The following KRTAP10-5 variants were observed in gnomAD, a reference collection of about 807,000 sequenced individuals.
KRTAP10-5 encodes keratin associated protein 10-5.
For missense variants in KRTAP10-5, 370 were observed against 351.2 expected (o/e 1.05, Z -0.43); for synonymous variants, 157 against 151.9 (o/e 1.03, Z -0.25).
At position 44,580,104 on chromosome 21, in the gene KRTAP10-5, G is replaced by A; in HGVS notation, c.475C>T (p.Gln159Ter). Residue 159 changes from glutamine (Q) to a stop codon, truncating the protein, a stop_gained, in exon 1 of 1, where the codon CAG (glutamine) becomes TAG (stop). Coordinates refer to ENST00000400372, the MANE Select transcript of KRTAP10-5 (RefSeq NM_198694.3). LOFTEE classifies it low-confidence loss of function (END_TRUNC). ...SSSCCQHSSC[Q>*]PTCCTSSPCQ... is the part of the protein sequence containing the mutation. The stretch of plus-strand genomic sequence containing the variant: ...GGGGAGGAGGTGCAGCAAGTCGGCT[G>A]GCAGCTAGAATGCTGGCAGCATGAA... The A allele has an allele frequency of 6.2e-7, 1 of 1,613,788 alleles. No individual in the cohort carries two copies. The highest frequency in any genetic ancestry group is 8.5e-7 in the Non-Finnish European group (1 of 1,179,956).
Position 44,580,357 on chromosome 21 carries a change from G to A in KRTAP10-5, c.222C>T (p.Cys74=). 1 of 1,613,744 alleles carries A rather than the reference G, an allele frequency of 6.2e-7. No homozygotes were observed. The highest frequency in any genetic ancestry group is 8.5e-7 in the Non-Finnish European group (1 of 1,179,936). ...GCTSSCTPSC[C]QPACCASSPC... The stretch of plus-strand genomic sequence containing the variant: ...GGGAGGAGGCGCAGCAAGCCGGCTG[G>A]CAGCACGAGGGCGTGCAGGAGCTGG... Residue 74 remains cysteine, a synonymous_variant, in exon 1 of 1, where the codon TGC becomes TGT. Transcript: ENST00000400372.
In KRTAP10-5 at chr21:44,579,581, T is replaced by A; in HGVS notation, c.*182A>T. ...GGGACCCAACAGGCAGGTGGGCCCC[T>A]GCTGGGAGGCAGGAGCTGGGGAGCT... On this transcript the variant is annotated 3_prime_UTR_variant, in exon 1 of 1. Coordinates refer to ENST00000400372, the MANE Select transcript of KRTAP10-5 (RefSeq NM_198694.3). The A allele has an allele frequency of 1.3e-6, 1 of 772,528 alleles. No individual in the cohort carries two copies. Among genetic ancestry groups the A allele is most frequent in the Non-Finnish European group, 2.0e-6 (1 of 495,724 alleles). The allele number at this position is 772,528 out of a possible 1,614,324, so 47.9% of individuals were successfully genotyped here.
At position 44,580,552 on chromosome 21, in the gene KRTAP10-5, G is replaced by C; in HGVS notation, c.27C>G (p.Cys9Trp). 6.2e-7 allele frequency: 1 copy of C among 1,613,334 alleles called. No individual in the cohort carries two copies. Among genetic ancestry groups the C allele is most frequent in the Non-Finnish European group, 8.5e-7 (1 of 1,179,670 alleles). Reference sequence around the variant, plus strand: ...GCCAGGAGTCAGAGCAAGCGCTGGAGCAGACGGACATGGTGCACGCGGCCA... The same window carrying C: ...GCCAGGAGTCAGAGCAAGCGCTGGACCAGACGGACATGGTGCACGCGGCCA... MAACTMSV[C>W]SSACSDSWRV... Residue 9 changes from cysteine to tryptophan, a missense_variant, in exon 1 of 1, where the codon TGC becomes TGG. Cys to Trp is a radical substitution (Grantham distance 215, BLOSUM62 -2). Coordinates refer to ENST00000400372, the MANE Select transcript of KRTAP10-5 (RefSeq NM_198694.3).
rs77009190 is a variant in KRTAP10-5, at chr21:44,580,309, C to T, written c.270G>A (p.Val90=). Residue 90 remains valine, a synonymous_variant, in exon 1 of 1, where the codon GTG becomes GTA. Coordinates refer to ENST00000400372, the MANE Select transcript of KRTAP10-5 (RefSeq NM_198694.3). The stretch of plus-strand genomic sequence containing the variant: ...AGCACACAGGCTTGCAGCAGACGGG[C>T]ACGCAGCAGGCCTGCTGGCAGGGGG... ...ASSPCQQACC[V]PVCCKPVCCL... 2,842 of 1,613,970 alleles carry T rather than the reference C, an allele frequency of 1.8e-3. 50 individuals carry two copies. In the African/African-American group the frequency reaches 0.031, roughly 18 times the overall value.
At position 44,579,732 on chromosome 21, in the gene KRTAP10-5, A is replaced by G. The variant is rs1555924528; in HGVS notation, c.*31T>C. On this transcript the variant is annotated 3_prime_UTR_variant, in exon 1 of 1. Transcript: ENST00000400372. ...GTTGGCCCTGGGGGATGTGCACATCAGCAACTGGACTCCTGGCCTGAGCAG... is the reference window on the plus strand; with the variant it reads ...GTTGGCCCTGGGGGATGTGCACATCGGCAACTGGACTCCTGGCCTGAGCAG... 1.3e-6 allele frequency: 2 copies of G among 1,593,370 alleles called. No homozygotes were observed. Among genetic ancestry groups the G allele is most frequent in the African/African-American group, 2.7e-5 (2 of 74,574 alleles).
At position 44,580,404 on chromosome 21, in the gene KRTAP10-5, T is replaced by C. The variant is rs1978866860; in HGVS notation, c.175A>G (p.Ser59Gly). 1.9e-6 allele frequency: 3 copies of C among 1,612,992 alleles called. No homozygotes were observed. The highest frequency in any genetic ancestry group is 2.5e-6 in the Non-Finnish European group (3 of 1,179,746). The change falls in exon 1 of 1, where the codon AGC (serine) becomes GGC (glycine). Residue 59 changes from serine to glycine, a missense_variant. Physicochemically the swap from Ser to Gly is moderately conservative, Grantham distance 56 (BLOSUM62 0). Coordinates refer to ENST00000400372, the MANE Select transcript of KRTAP10-5 (RefSeq NM_198694.3). The stretch of plus-strand genomic sequence containing the variant: ...CTGGTGCAGCCTGATTGGCAGGGGC[T>C]GGGCTCACAGGCCGCCTGGCAGCAG... ...SPCCQAACEP[S>G]PCQSGCTSSC...
chr21:44,580,077 A>G lies in KRTAP10-5; in HGVS notation c.502T>C (p.Cys168Arg). The change falls in exon 1 of 1, where the codon TGC becomes CGC. Residue 168 changes from cysteine to arginine, a missense_variant. Physicochemically the swap from Cys to Arg is radical, Grantham distance 180. Transcript: ENST00000400372. ...CQPTCCTSSP[C>R]QQSCYVPVCC... ...ACAGGCACGTAGCAGGACTGCTGGC[A>G]GGGGGAGGAGGTGCAGCAAGTCGGC... The G allele has an allele frequency of 6.2e-7, 1 of 1,613,768 alleles. No homozygotes were observed. Among genetic ancestry groups the G allele is most frequent in the Non-Finnish European group, 8.5e-7 (1 of 1,179,914 alleles).
In KRTAP10-5 at chr21:44,579,635, A is replaced by AGG. The variant is rs35478351; in HGVS notation, c.*126_*127dup. The AGG allele has an allele frequency of 1.3e-3, 1,565 of 1,162,350 alleles. 13 individuals are homozygous for AGG. The African/African-American group carries it at 0.022, about 16-fold the overall frequency. 72.0% of individuals were successfully genotyped at this position (1,162,350 alleles called of 1,614,324 possible). A position where few individuals can be genotyped will look rare whatever the true frequency, so the allele number is the denominator to read the frequency against. On this transcript the variant is annotated 3_prime_UTR_variant, in exon 1 of 1. Coordinates refer to ENST00000400372, the MANE Select transcript of KRTAP10-5 (RefSeq NM_198694.3). ...AGGATGGAGATTCCTGGGAGTATGG[A>AGG]GGGGGGGGTCACCTCAGCACATGGG... is the stretch of plus-strand genomic sequence containing the variant.
Position 44,579,473 on chromosome 21 carries a change from T to G in KRTAP10-5, c.*290A>C. ...AAGAGAATCAGGCGACCAAGGGGAG[T>G]TTATTGGGGAGCAGGAGGAGGTGCT... is the stretch of plus-strand genomic sequence containing the variant. On this transcript the variant is annotated 3_prime_UTR_variant, in exon 1 of 1. Coordinates refer to ENST00000400372, the MANE Select transcript of KRTAP10-5 (RefSeq NM_198694.3). 4.1e-5 allele frequency: 21 copies of G among 509,584 alleles called. No homozygotes were observed. The highest frequency in any genetic ancestry group is 1.3e-4 in the East Asian group (4 of 31,160). 31.6% of individuals were successfully genotyped at this position (509,584 alleles called of 1,614,324 possible). A position where few individuals can be genotyped will look rare whatever the true frequency, so the allele number is the denominator to read the frequency against.
In KRTAP10-5 at chr21:44,579,608, C is replaced by T. The variant is rs781856465; in HGVS notation, c.*155G>A. 3.2e-5 allele frequency: 31 copies of T among 973,784 alleles called. 1 individual carries two copies. The highest frequency in any genetic ancestry group is 4.1e-5 in the Non-Finnish European group (28 of 674,830). 60.3% of individuals were successfully genotyped at this position (973,784 alleles called of 1,614,324 possible). A position where few individuals can be genotyped will look rare whatever the true frequency, so the allele number is the denominator to read the frequency against. ...CTGGGAGGCAGGAGCTGGGGAGCTT[C>T]GAGGATGGAGATTCCTGGGAGTATG... is the stretch of plus-strand genomic sequence containing the variant. On this transcript the variant is annotated 3_prime_UTR_variant, in exon 1 of 1. Transcript: ENST00000400372.
At position 44,580,478 on chromosome 21, in the gene KRTAP10-5, G is replaced by A. The variant is rs782390390; in HGVS notation, c.101C>T (p.Ala34Val). The change falls in exon 1 of 1, where the codon GCC becomes GTC. Residue 34 changes from alanine to valine, a missense_variant. Physicochemically the swap from Ala to Val is moderately conservative, Grantham distance 64. Coordinates refer to ENST00000400372, the MANE Select transcript of KRTAP10-5 (RefSeq NM_198694.3). ...ESCCEPPCGT[A>V]PCLTLVCTPV... ...GGTGCAGACCAGGGTCAGGCAGGGG[G>A]CGGTGCCGCAGGGGGGCTCACAGCA... The A allele has an allele frequency of 1.2e-6, 2 of 1,613,308 alleles. No individual in the cohort carries two copies. Among genetic ancestry groups the A allele is most frequent in the Non-Finnish European group, 1.7e-6 (2 of 1,179,932 alleles).
In KRTAP10-5 at chr21:44,580,316, C is replaced by G; in HGVS notation, c.263G>C (p.Cys88Ser). Residue 88 changes from cysteine (C) to serine (S), a missense_variant, in exon 1 of 1, where the codon TGC becomes TCC. Coordinates refer to ENST00000400372, the MANE Select transcript of KRTAP10-5 (RefSeq NM_198694.3). ...CCASSPCQQA[C>S]CVPVCCKPVC... ...AGGCTTGCAGCAGACGGGCACGCAG[C>G]AGGCCTGCTGGCAGGGGGAGGAGGC... 1 of 1,613,964 alleles carries G rather than the reference C, an allele frequency of 6.2e-7. No homozygotes were observed. The highest frequency in any genetic ancestry group is 8.5e-7 in the Non-Finnish European group (1 of 1,179,992).
rs1479710426 is a variant in KRTAP10-5, at chr21:44,579,504, G to T, written c.*259C>A. ...GGGGAGCAGGAGGAGGTGCTGACAG[G>T]TTCAAGTCGAGGCCAAGTGACATGG... On this transcript the variant is annotated 3_prime_UTR_variant, in exon 1 of 1. Transcript: ENST00000400372. The T allele has an allele frequency of 8.8e-6, 5 of 570,308 alleles. No homozygotes were observed. Among genetic ancestry groups the T allele is most frequent in the Non-Finnish European group, 1.6e-5 (5 of 321,686 alleles). 35.3% of individuals were successfully genotyped at this position (570,308 alleles called of 1,614,324 possible).
At position 44,580,115 on chromosome 21, in the gene KRTAP10-5, T is replaced by A; in HGVS notation, c.464A>T (p.His155Leu). Residue 155 changes from histidine (H) to leucine (L), a missense_variant, in exon 1 of 1, where the codon CAT (histidine) becomes CTT (leucine). Coordinates refer to ENST00000400372, the MANE Select transcript of KRTAP10-5 (RefSeq NM_198694.3). ...CSEDSSSCCQHSSCQPTCCTS... is the reference protein window; with the variant it reads ...CSEDSSSCCQLSSCQPTCCTS... Reference sequence around the variant, plus strand: ...GCAGCAAGTCGGCTGGCAGCTAGAATGCTGGCAGCATGAAGAGGAATCCTC... The same window carrying A: ...GCAGCAAGTCGGCTGGCAGCTAGAAAGCTGGCAGCATGAAGAGGAATCCTC... The A allele has an allele frequency of 6.2e-7, 1 of 1,601,108 alleles. No homozygotes were observed.
In KRTAP10-5 at chr21:44,580,554, A is replaced by G; in HGVS notation, c.25T>C (p.Cys9Arg). The part of the protein sequence containing the change: MAACTMSV[C>R]SSACSDSWRV... Reference sequence around the variant, plus strand: ...CAGGAGTCAGAGCAAGCGCTGGAGCAGACGGACATGGTGCACGCGGCCATG... The same window carrying G: ...CAGGAGTCAGAGCAAGCGCTGGAGCGGACGGACATGGTGCACGCGGCCATG... Residue 9 changes from cysteine to arginine, a missense_variant, in exon 1 of 1, where the codon TGC becomes CGC. Transcript: ENST00000400372. 2 of 1,613,232 alleles carry G rather than the reference A, an allele frequency of 1.2e-6. No individual in the cohort carries two copies. Among genetic ancestry groups the G allele is most frequent in the Non-Finnish European group, 1.7e-6 (2 of 1,179,634 alleles).
In KRTAP10-5 at chr21:44,580,205, G is replaced by A. The variant is rs373971735; in HGVS notation, c.374C>T (p.Ser125Phe). The change falls in exon 1 of 1, where the codon TCC becomes TTC. Residue 125 changes from serine (S) to phenylalanine (F), a missense_variant. Ser to Phe is a radical substitution (Grantham distance 155). Transcript: ENST00000400372. ...SCQPTCCASS[S>F]CQQSCCVPVC... ...AGGCACACAGCAGGACTGCTGGCAG[G>A]AGGAAGAGGCACAGCAAGTTGGCTG... is the stretch of plus-strand genomic sequence containing the variant. 2 of 1,613,910 alleles carry A rather than the reference G, an allele frequency of 1.2e-6. No homozygotes were observed. The highest frequency in any genetic ancestry group is 1.7e-6 in the Non-Finnish European group (2 of 1,179,976).
Position 44,579,893 on chromosome 21 carries a change from C to A in KRTAP10-5, c.686G>T (p.Cys229Phe). Residue 229 changes from cysteine to phenylalanine, a missense_variant, in exon 1 of 1, where the codon TGC (cysteine) becomes TTC (phenylalanine). Physicochemically the swap from Cys to Phe is radical, Grantham distance 205 (BLOSUM62 -2). Coordinates refer to ENST00000400372, the MANE Select transcript of KRTAP10-5 (RefSeq NM_198694.3). ...GATGGGCAGGCAGCAGGCGGGCCTGCATATGGGGCGGCAGAGGAGGGACAC... is the reference window on the plus strand; with the variant it reads ...GATGGGCAGGCAGCAGGCGGGCCTGAATATGGGGCGGCAGAGGAGGGACAC... ...SSVSLLCRPI[C>F]RPACCLPISS... 2 of 1,600,886 alleles carry A rather than the reference C, an allele frequency of 1.2e-6. No homozygotes were observed. The highest frequency in any genetic ancestry group is 1.7e-6 in the Non-Finnish European group (2 of 1,170,368).
chr21:44,580,235 C>A lies in KRTAP10-5; in HGVS notation c.344G>T (p.Ser115Ile). The A allele has an allele frequency of 6.2e-7, 1 of 1,613,972 alleles. No homozygotes were observed. Among genetic ancestry groups the A allele is most frequent in the Non-Finnish European group, 8.5e-7 (1 of 1,179,978 alleles). ...AGAGGCACAGCAAGTTGGCTGGCAG[C>A]TAGACTGCTGGCAGCATGAAGAGGA... The part of the protein sequence containing the change: ...KDSSSCCQQS[S>I]CQPTCCASSS... The change falls in exon 1 of 1, where the codon AGC becomes ATC. Residue 115 changes from serine (S) to isoleucine (I), a missense_variant. Transcript: ENST00000400372.
chr21:44,579,700 A>G lies in KRTAP10-5; in HGVS notation c.*63T>C, dbSNP rs1569198507. 3 of 1,564,196 alleles carry G rather than the reference A, an allele frequency of 1.9e-6. No individual in the cohort carries two copies. The highest frequency in any genetic ancestry group is 2.2e-5 in the East Asian group (1 of 44,554). On this transcript the variant is annotated 3_prime_UTR_variant, in exon 1 of 1. Transcript: ENST00000400372. ...CGGGGGCAACCTCCTAACCCGAGTC[A>G]GGACCAGTTGGCCCTGGGGGATGTG...
Sources: gnomAD v4.1 joint callset for allele counts on GRCh38, gnomAD v4.1.1 for gene constraint, MANE v1.5 for transcripts, NCBI Gene and HGNC (gene_info 2026-07-23, HGNC 2026-07-21) for gene names.